EPB41L4B: variants seen among roughly 807,000 people sequenced by gnomAD.
The protein encoded by EPB41L4B is erythrocyte membrane protein band 4.1 like 4B, also known as band 4.1-like protein 4B.
A neutral mutation model predicts 112.5 loss-of-function variants in EPB41L4B; 30 were observed. The ratio of observed to expected loss-of-function variants is 0.27; its 90% CI spans 0.20 to 0.36. The LOEUF is 0.36. EPB41L4B is among the 10% of genes least tolerant of loss of function. The pLI is 1.00. For missense variants in EPB41L4B, 1,024 were observed against 1,133.3 expected (o/e 0.90, Z 1.38); for synonymous variants, 408 against 439.7 (o/e 0.93, Z 0.90).
intron 7 of EPB41L4B, 50 bp from the exon 8 acceptor site, chr9:109,256,530 A>T: frequency 6.6e-7 from 1 of 1,504,776 alleles, no homozygotes; most frequent in Non-Finnish European, 9.2e-7. Flanking sequence ...GTAAGCCCAC[A>T]GGATTCTGAA....
At position 109,253,519 on chromosome 9, in the gene EPB41L4B, A is replaced by T; in HGVS notation, c.1201T>A (p.Ser401Thr). 1 of 1,613,740 alleles carries T rather than the reference A, an allele frequency of 6.2e-7. No individual in the cohort carries two copies. The highest frequency in any genetic ancestry group is 8.5e-7 in the Non-Finnish European group (1 of 1,179,632). ...GRTEYQATHGSRLRRTSTFER... is the reference protein window; with the variant it reads ...GRTEYQATHGTRLRRTSTFER... ...AAGGTGCTGGTTCTTCGTAACCTGGAGCCATGTGTAGCTTGATATTCTGTC... is the reference window on the plus strand; with the variant it reads ...AAGGTGCTGGTTCTTCGTAACCTGGTGCCATGTGTAGCTTGATATTCTGTC... The change falls in exon 12 of 26, where the codon TCC (serine) becomes ACC (threonine). Residue 401 changes from serine (S) to threonine (T), a missense_variant. Transcript: ENST00000374566.
intron 14 of EPB41L4B, among the ~76,000 whole-genome samples, chr9:109,247,031 TGTC>T (rs1178046032): frequency 6.6e-6 from 1 of 152,082 alleles, no homozygotes; most frequent in Non-Finnish European, 1.5e-5. Context: ...GTTCCCACTG[TGTC>T]GTCTGGGCTG....
chr9:109,242,589 G>T (rs1344422699), intron 15 of EPB41L4B, among the ~76,000 whole-genome samples: 1 of 152,172 alleles, frequency 6.6e-6, no homozygotes, highest in Non-Finnish European at 1.5e-5. Flanking sequence ...AAAGTTAAGT[G>T]ACTACCAAGT....
At chr9:109,207,814 A>C (rs1254640121) in intron 18 of EPB41L4B, 110 bp downstream of exon 18, 4 of 1,389,314 alleles carry the variant, frequency 2.9e-6, no homozygotes, top group Non-Finnish European at 4.0e-6. Context: ...TCATCTCCTG[A>C]CTGGACCCTG....
intron 15 of EPB41L4B, among the ~76,000 whole-genome samples, chr9:109,217,527 T>C (rs7860076): frequency 0.78 from 118,421 of 152,106 alleles, 47,040 homozygotes; most frequent in African/African-American, 0.94. Flanking sequence ...TTTCTCTTCC[T>C]CTCTGTCACC....
At chr9:109,276,929 T>C (rs1422404660) in intron 2 of EPB41L4B, among the ~76,000 whole-genome samples, 5 of 152,194 alleles carry the variant, frequency 3.3e-5, no homozygotes, top group African/African-American at 1.2e-4. Context: ...AGACTCAGAA[T>C]GACTGAACAT....
intron 19 of EPB41L4B, among the ~76,000 whole-genome samples, chr9:109,200,940 A>G (rs1832803409): frequency 6.6e-6 from 1 of 152,206 alleles, no homozygotes; most frequent in African/African-American, 2.4e-5. Flanking sequence ...CAGGTAACCA[A>G]TGGACCCTAC....
chr9:109,320,167 C>T lies in EPB41L4B; in HGVS notation c.280G>A (p.Gly94Arg). The T allele has an allele frequency of 2.0e-6, 3 of 1,483,032 alleles. No individual in the cohort carries two copies. Among genetic ancestry groups the T allele is most frequent in the South Asian group, 2.6e-5 (2 of 76,902 alleles). 91.9% of individuals were successfully genotyped at this position (1,483,032 alleles called of 1,614,324 possible). ...TLYCRVFLLD[G>R]TEVSVDLPKH... is the part of the protein sequence containing the mutation. ...GGCAGGTCCACGCTCACTTCGGTCC[C>T]GTCGAGCAGGAAGACGCGGCAGTAG... Residue 94 changes from glycine (G) to arginine (R), a missense_variant, in exon 1 of 26, where the codon GGG becomes AGG. Coordinates refer to ENST00000374566, the MANE Select transcript of EPB41L4B (RefSeq NM_019114.5).
At chr9:109,239,653 A>C (rs1834283830) in intron 15 of EPB41L4B, 1 of 196,648 alleles carries the variant, frequency 5.1e-6, no homozygotes, top group Non-Finnish European at 9.2e-6. Context: ...TGTACACTTC[A>C]TTTAACAATC....
chr9:109,297,196 G>T (rs557569277), intron 1 of EPB41L4B, among the ~76,000 whole-genome samples: 1 of 147,604 alleles, frequency 6.8e-6, no homozygotes, highest in Non-Finnish European at 1.5e-5. Context: ...GAGGCAGCTG[G>T]GGGGGTGGGG....
At chr9:109,178,560 G>GT (rs1483251651) in intron 24 of EPB41L4B, among the ~76,000 whole-genome samples, 2 of 152,010 alleles carry the variant, frequency 1.3e-5, no homozygotes, top group Non-Finnish European at 2.9e-5. Context: ...ATTAGTAAGT[G>GT]TAAGTGTTAA....
intron 22 of EPB41L4B, among the ~76,000 whole-genome samples, chr9:109,188,263 C>T (rs529036585): frequency 3.3e-5 from 5 of 152,164 alleles, no homozygotes; most frequent in East Asian, 1.9e-4. Context: ...TAGTGAGTAC[C>T]GAGCAAAGGG....
At chr9:109,204,120 A>G (rs1053494473) in intron 18 of EPB41L4B, among the ~76,000 whole-genome samples, 1 of 152,224 alleles carries the variant, frequency 6.6e-6, no homozygotes, top group Non-Finnish European at 1.5e-5. Flanking sequence ...ACAGTTTACA[A>G]AGGAATTTGG....
rs1832759528 is a variant in EPB41L4B, at chr9:109,199,728, G to A, written c.2045+508C>T. Among the ~76,000 whole-genome samples the A allele has an allele frequency of 2.0e-5, 3 of 152,170 alleles. No individual in the cohort carries two copies. The South Asian group carries it at 6.2e-4, about 32-fold the overall frequency. On this transcript the variant is annotated intron_variant, in intron 20 of 25. Transcript: ENST00000374566. ...GTAGGTTACAAAAGACTGTGCCTTT[G>A]CCTTGCTGTCACTCTCTCTGGCTCT... is the stretch of plus-strand genomic sequence containing the variant.
chr9:109,240,152 C>A (rs550132771), intron 15 of EPB41L4B: 19 of 977,600 alleles, frequency 1.9e-5, no homozygotes, highest in South Asian at 1.4e-4. Flanking sequence ...AAGATGGAGT[C>A]AAAAAAAAAG....
At position 109,258,104 on chromosome 9, in the gene EPB41L4B, TA is replaced by T. The variant is rs1388593595; in HGVS notation, c.752+72del. 4 of 1,511,960 alleles carry T rather than the reference TA, an allele frequency of 2.6e-6. No individual in the cohort carries two copies. In the East Asian group the frequency reaches 9.1e-5, roughly 35 times the overall value. 93.7% of individuals were successfully genotyped at this position (1,511,960 alleles called of 1,614,324 possible). A position where few individuals can be genotyped will look rare whatever the true frequency, so the allele number is the denominator to read the frequency against. On this transcript the variant is annotated intron_variant, in intron 7 of 25. Coordinates refer to ENST00000374566, the MANE Select transcript of EPB41L4B (RefSeq NM_019114.5). ...TCAACAGAACAATTCTACTGGTAGA[TA>T]AAGGAGTGTGATCAACACTTATTTA...
intron 13 of EPB41L4B, among the ~76,000 whole-genome samples, chr9:109,250,142 G>A (rs571872429): frequency 8.5e-5 from 13 of 152,286 alleles, no homozygotes; most frequent in Admixed American, 6.5e-4. Flanking sequence ...CTTCTAGAGG[G>A]TGAAAATCAG....
intron 24 of EPB41L4B, among the ~76,000 whole-genome samples, chr9:109,179,326 T>C (rs1033690507): frequency 2.6e-5 from 4 of 152,246 alleles, no homozygotes; most frequent in African/African-American, 9.6e-5. Context: ...ACAACCCCTG[T>C]CACTGTCGCC....
intron 16 of EPB41L4B, among the ~76,000 whole-genome samples, chr9:109,214,535 G>A (rs765716661): frequency 2.6e-5 from 4 of 152,226 alleles, no homozygotes; most frequent in Non-Finnish European, 5.9e-5. Flanking sequence ...GGACGGAACT[G>A]AGGATGGGTG....
Sources: gnomAD v4.1 joint callset for allele counts (sites outside exome capture counted in the v4.1 genomes callset) on GRCh38, gnomAD v4.1.1 for gene constraint, MANE v1.5 for transcripts, NCBI Gene and HGNC (gene_info 2026-07-23, HGNC 2026-07-21) for gene names.